Variants in FBH1 observed in about 807,000 individuals in gnomAD.
FBH1 encodes F-box DNA helicase 1.
Under a neutral mutation model 115.5 loss-of-function variants are expected in FBH1, and 43 were observed. That is an observed-to-expected ratio of 0.37 (90% CI 0.29 to 0.48). FBH1 has a LOEUF of 0.48. Among genes scored for constraint, FBH1 ranks in the 20% least tolerant of loss-of-function variants. The pLI, the probability that FBH1 is intolerant of heterozygous loss-of-function variation, is 0.99. For missense variants in FBH1, 1,001 were observed against 1,337.3 expected (o/e 0.75, Z 3.92); for synonymous variants, 524 against 507.8 (o/e 1.03, Z -0.43).
In FBH1 at chr10:5,913,888, C is replaced by A. The variant is rs576216957; in HGVS notation, c.1304+49C>A. 18 of 1,380,920 alleles carry A rather than the reference C, an allele frequency of 1.3e-5. 1 individual carries two copies. In the South Asian group the frequency reaches 2.2e-4, roughly 17 times the overall value. 85.5% of individuals were successfully genotyped at this position (1,380,920 alleles called of 1,614,324 possible). ...TGTGTTTTGTCTTCTGTCGACTCTT[C>A]CTCATACTTAAGGAGGGAGATGTTT... is the stretch of plus-strand genomic sequence containing the variant. On this transcript the variant is annotated intron_variant, in intron 7 of 20. Coordinates refer to ENST00000362091, the MANE Select transcript of FBH1 (RefSeq NM_178150.3). This position sits in a 1 kb window ranked among gnomAD's most constrained non-coding sequence, Gnocchi z 4.4.
rs1018501762 is a variant in FBH1 at position 5,915,723 on chromosome 10, G to C, written c.1565+152G>C. ...TTACAGGCAGGAAACAAATACATAG[G>C]TTTAGCCATTTGTACTTTTATCCTG... On this transcript the variant is annotated intron_variant, in intron 9 of 20. Coordinates refer to ENST00000362091, the MANE Select transcript of FBH1 (RefSeq NM_178150.3). The surrounding 1 kb of genome is among the most constrained non-coding windows in gnomAD (Gnocchi z 5.2). 3.0e-6 allele frequency: 2 copies of C among 664,938 alleles called. No homozygotes were observed. Among genetic ancestry groups the C allele is most frequent in the Non-Finnish European group, 5.1e-6 (2 of 394,496 alleles). 41.2% of individuals were successfully genotyped at this position (664,938 alleles called of 1,614,324 possible).
chr10:5,906,629 G>T lies in FBH1; in HGVS notation c.750G>T (p.Pro250=), dbSNP rs770439042. The change falls in exon 3 of 21, where the codon CCG becomes CCT. Residue 250 remains proline, a synonymous_variant. Coordinates refer to ENST00000362091, the MANE Select transcript of FBH1 (RefSeq NM_178150.3). This position sits in a 1 kb window ranked among gnomAD's most constrained non-coding sequence, Gnocchi z 7.3. ...TGTGGAGGGAGATCATCAGTGACCC[G>T]CTGGTGAGTGAGTGCTGGAGTCGGG... The part of the protein sequence containing the change: ...CHLWREIISD[P]LFIPWKKLYH... 2.4e-5 allele frequency: 39 copies of T among 1,599,640 alleles called. No homozygotes were observed. In the South Asian group the frequency reaches 4.2e-4, roughly 17 times the overall value.
chr10:5,922,112 A>C, intron 15 of FBH1, among the ~76,000 whole-genome samples: 1 of 152,238 alleles, frequency 6.6e-6, no homozygotes, highest in Non-Finnish European at 1.5e-5. Context: ...ATATGATAAA[A>C]AGATATTCAC....
At position 5,914,554 on chromosome 10, in the gene FBH1, C is replaced by T. The variant is rs1012220339; in HGVS notation, c.1396+285C>T. Among the ~76,000 whole-genome samples the T allele has an allele frequency of 6.6e-6, 1 of 152,232 alleles. No individual in the cohort carries two copies. Among genetic ancestry groups the T allele is most frequent in the Non-Finnish European group, 1.5e-5 (1 of 68,044 alleles). On this transcript the variant is annotated intron_variant, in intron 8 of 20. Coordinates refer to ENST00000362091, the MANE Select transcript of FBH1 (RefSeq NM_178150.3). The surrounding 1 kb of genome is among the most constrained non-coding windows in gnomAD (Gnocchi z 5.2). ...TGAGCCCAGCATTGTGATGTTTGCTCAGGCACTGATTGCTTCTGGAGAGGG... is the reference window on the plus strand; with the variant it reads ...TGAGCCCAGCATTGTGATGTTTGCTTAGGCACTGATTGCTTCTGGAGAGGG...
rs1842620011 is a variant in FBH1, at chr10:5,890,280, T to G, written c.-66T>G. 1 of 368,162 alleles carries G rather than the reference T, an allele frequency of 2.7e-6. No homozygotes were observed. Among genetic ancestry groups the G allele is most frequent in the Non-Finnish European group, 5.1e-6 (1 of 197,248 alleles). 22.8% of individuals were successfully genotyped at this position (368,162 alleles called of 1,614,324 possible). A position where few individuals can be genotyped will look rare whatever the true frequency, so the allele number is the denominator to read the frequency against. On this transcript the variant is annotated 5_prime_UTR_variant, in exon 1 of 21. Coordinates refer to ENST00000362091, the MANE Select transcript of FBH1 (RefSeq NM_178150.3). ...GGAGGAGCTCGCTGCCGGGGGACGCTGGGCTGAGCGGCCGGCGGCGCGGGC... is the reference window on the plus strand; with the variant it reads ...GGAGGAGCTCGCTGCCGGGGGACGCGGGGCTGAGCGGCCGGCGGCGCGGGC...
chr10:5,931,225 G>A lies in FBH1; in HGVS notation c.2829+3684G>A, dbSNP rs571392491. Among the ~76,000 whole-genome samples the A allele has an allele frequency of 6.6e-6, 1 of 152,308 alleles. No individual in the cohort carries two copies. The highest frequency in any genetic ancestry group is 1.9e-4 in the East Asian group (1 of 5,192). ...CCTAGCACCCTCCCTCCTTTCTGAG[G>A]GTAACTGCCATCTCAGCAGATACGC... is the stretch of plus-strand genomic sequence containing the variant. On this transcript the variant is annotated intron_variant, in intron 19 of 20. Transcript: ENST00000362091. This position sits in a 1 kb window ranked among gnomAD's most constrained non-coding sequence, Gnocchi z 4.3.
rs371477758 is a variant in FBH1 at position 5,913,890 on chromosome 10, T to G, written c.1304+51T>G. Reference sequence around the variant, plus strand: ...TGTTTTGTCTTCTGTCGACTCTTCCTCATACTTAAGGAGGGAGATGTTTTG... The same window carrying G: ...TGTTTTGTCTTCTGTCGACTCTTCCGCATACTTAAGGAGGGAGATGTTTTG... On this transcript the variant is annotated intron_variant, in intron 7 of 20. Coordinates refer to ENST00000362091, the MANE Select transcript of FBH1 (RefSeq NM_178150.3). This position sits in a 1 kb window ranked among gnomAD's most constrained non-coding sequence, Gnocchi z 4.4. 4 of 1,382,846 alleles carry G rather than the reference T, an allele frequency of 2.9e-6. No homozygotes were observed. The African/African-American group carries it at 5.8e-5, about 20-fold the overall frequency. The allele number at this position is 1,382,846 out of a possible 1,614,324, so 85.7% of individuals were successfully genotyped here.
rs1670760049 is a variant in FBH1, at chr10:5,924,419, A to G, written c.2507A>G (p.Lys836Arg). ...TAAEDKELEAKIAVVEKYNIR... is the reference protein window; with the variant it reads ...TAAEDKELEARIAVVEKYNIR... ...GCCGAGGACAAGGAGCTTGAAGCCA[A>G]GATCGCAGTTGTTGAAAAGTATAAC... Residue 836 changes from lysine to arginine, a missense_variant, in exon 17 of 21, where the codon AAG becomes AGG. By Grantham distance (26) the Lys-to-Arg change is conservative. Transcript: ENST00000362091. This position sits in a 1 kb window ranked among gnomAD's most constrained non-coding sequence, Gnocchi z 6.2. 6.2e-7 allele frequency: 1 copy of G among 1,614,130 alleles called. No individual in the cohort carries two copies. The highest frequency in any genetic ancestry group is 1.3e-5 in the African/African-American group (1 of 74,944).
intron 13 of FBH1, among the ~76,000 whole-genome samples, chr10:5,920,793 T>C (rs940131961): frequency 6.6e-6 from 1 of 152,166 alleles, no homozygotes; most frequent in Non-Finnish European, 1.5e-5. Context: ...GGCTGAGTTT[T>C]GAAGGTTAGG....
intron 19 of FBH1, among the ~76,000 whole-genome samples, chr10:5,927,875 C>T (rs1271050757): frequency 6.6e-6 from 1 of 151,756 alleles, no homozygotes; most frequent in Non-Finnish European, 1.5e-5. Flanking sequence ...GGTTTGAGAC[C>T]AGCCTGGCCA....
Position 5,924,713 on chromosome 10 carries a change from C to T in FBH1, c.2596+205C>T, listed in dbSNP as rs1439787314. 3.2e-6 allele frequency: 2 copies of T among 628,636 alleles called. No individual in the cohort carries two copies. The highest frequency in any genetic ancestry group is 5.8e-6 in the Non-Finnish European group (2 of 342,746). 38.9% of individuals were successfully genotyped at this position (628,636 alleles called of 1,614,324 possible). On this transcript the variant is annotated intron_variant, in intron 17 of 20. Coordinates refer to ENST00000362091, the MANE Select transcript of FBH1 (RefSeq NM_178150.3). The surrounding 1 kb of genome is among the most constrained non-coding windows in gnomAD (Gnocchi z 6.2). ...CTCGTGAGTAGCTGGGACTACAGGC[C>T]CCACCACCAGCCCGGCTAGTTTGTG...
At position 5,906,877 on chromosome 10, in the gene FBH1, C is replaced by G. The variant is rs1488070347; in HGVS notation, c.753+245C>G. On this transcript the variant is annotated intron_variant, in intron 3 of 20. Coordinates refer to ENST00000362091, the MANE Select transcript of FBH1 (RefSeq NM_178150.3). This position sits in a 1 kb window ranked among gnomAD's most constrained non-coding sequence, Gnocchi z 7.3. ...TACAGCTCATCTGCTGTGCCCTGAC[C>G]ACAGACTGCACATTCCTTCCCCTCC... Among the ~76,000 whole-genome samples, 1 of 152,144 alleles carries G rather than the reference C, an allele frequency of 6.6e-6. No homozygotes were observed. Among genetic ancestry groups the G allele is most frequent in the Non-Finnish European group, 1.5e-5 (1 of 68,026 alleles).
rs1477021560 is a variant in FBH1 at position 5,932,396 on chromosome 10, A to T, written c.2830-4060A>T. Among the ~76,000 whole-genome samples, 1 of 152,042 alleles carries T rather than the reference A, an allele frequency of 6.6e-6. No individual in the cohort carries two copies. The highest frequency in any genetic ancestry group is 1.9e-4 in the East Asian group (1 of 5,192). On this transcript the variant is annotated intron_variant, in intron 19 of 20. Coordinates refer to ENST00000362091, the MANE Select transcript of FBH1 (RefSeq NM_178150.3). This position sits in a 1 kb window ranked among gnomAD's most constrained non-coding sequence, Gnocchi z 5.9. ...TAGAAGCCATGGGAATCACTCTTTT[A>T]TTTATTTTTTACTCTTTTATTTTTT...
intron 1 of FBH1, among the ~76,000 whole-genome samples, chr10:5,899,326 TTTG>T (rs1194123081): frequency 6.6e-6 from 1 of 152,196 alleles, no homozygotes; most frequent in African/African-American, 2.4e-5. Context: ...TTTGTTTTGT[TTTG>T]TTTTTTTCCT....
intron 2 of FBH1, chr10:5,905,400 C>T (rs2131911203): frequency 6.6e-6 from 1 of 152,436 alleles, no homozygotes; most frequent in South Asian, 2.1e-4. Flanking sequence ...CGCCTGTAGT[C>T]CCAGCTACTT....
At chr10:5,912,854 A>G (rs1000116251) in intron 6 of FBH1, among the ~76,000 whole-genome samples, 15 of 152,342 alleles carry the variant, frequency 9.8e-5, no homozygotes, top group African/African-American at 3.6e-4. Context: ...ACTTCAGTCC[A>G]TGGCAGTATG....
rs913178041 is a variant in FBH1 at position 5,935,210 on chromosome 10, C to G, written c.2830-1246C>G. 1 of 152,134 alleles carries G rather than the reference C, an allele frequency of 6.6e-6. No homozygotes were observed. Among genetic ancestry groups the G allele is most frequent in the African/African-American group, 2.4e-5 (1 of 41,404 alleles). 9.4% of individuals were successfully genotyped at this position (152,134 alleles called of 1,614,324 possible). On this transcript the variant is annotated intron_variant, in intron 19 of 20. Coordinates refer to ENST00000362091, the MANE Select transcript of FBH1 (RefSeq NM_178150.3). This position sits in a 1 kb window ranked among gnomAD's most constrained non-coding sequence, Gnocchi z 5.2. ...GCCCTGGAGAAACTTCTGGAGTGGA[C>G]AGGGAGTCAGGTACAGGATGTTCAT...
At chr10:5,901,339 A>G (rs1216555059) in intron 1 of FBH1, among the ~76,000 whole-genome samples, 1 of 151,762 alleles carries the variant, frequency 6.6e-6, no homozygotes, top group African/African-American at 2.4e-5. Flanking sequence ...TCTATTTTTA[A>G]TAGAGACGGG....
At chr10:5,890,105 G>A, upstream of FBH1, 1 of 318,828 alleles carries the variant, frequency 3.1e-6, no homozygotes, top group Non-Finnish European at 5.7e-6. Flanking sequence ...GTTAGTGGCC[G>A]TCCGTCAGCA....
Sources: gnomAD v4.1 joint callset for allele counts (sites outside exome capture counted in the v4.1 genomes callset) on GRCh38, gnomAD v4.1.1 for gene constraint, Gnocchi (gnomAD v3.1) non-coding constraint, MANE v1.5 for transcripts, NCBI Gene and HGNC (gene_info 2026-07-23, HGNC 2026-07-21) for gene names.